RYR3: variants seen among roughly 807,000 people sequenced by gnomAD.
RYR3 encodes the protein brain ryanodine receptor-calcium release channel.
RYR3 carries 207 observed loss-of-function variants against 584.3 expected under a neutral mutation model. That is an observed-to-expected ratio of 0.35 (90% CI 0.32 to 0.40). The LOEUF (loss-of-function observed/expected upper bound fraction) is 0.40. Ranked by LOEUF, RYR3 falls within the 10% of genes least tolerant of loss-of-function variation. The pLI is 1.00. For synonymous variants in RYR3, 2,416 were observed against 2,248.5 expected, an observed-to-expected ratio of 1.07 and a Z score of -2.11; for missense variants, 5,616 against 6,089.2, an observed-to-expected ratio of 0.92 and a Z score of 2.59.
chr15:33,688,311 C>T (rs1449280901), intron 38 of RYR3, among the ~76,000 whole-genome samples: 4 of 152,108 alleles, frequency 2.6e-5, no homozygotes, highest in African/African-American at 9.7e-5. Context: ...CGGTGGCTCA[C>T]ACCTGTAATC....
chr15:33,712,968 G>A, intron 43 of RYR3, among the ~76,000 whole-genome samples: 1 of 152,156 alleles, frequency 6.6e-6, no homozygotes, highest in Non-Finnish European at 1.5e-5. Context: ...TAAACTTGTA[G>A]TTATGATAGT....
chr15:33,698,031 C>T (rs750148642), intron 40 of RYR3, 35 bp downstream of exon 40: 2 of 1,459,460 alleles, frequency 1.4e-6, no homozygotes, highest in East Asian at 4.5e-5. Flanking sequence ...CAGAACTTGT[C>T]CCTTGAGGCA....
chr15:33,822,072 G>A (rs1827427491), intron 80 of RYR3, among the ~76,000 whole-genome samples: 2 of 149,510 alleles, frequency 1.3e-5, no homozygotes, highest in African/African-American at 4.9e-5. Context: ...GCCAGGCTCT[G>A]CTGCAAGGGC....
At chr15:33,669,531 A>G in intron 37 of RYR3, 75 bp downstream of exon 37, 2 of 1,286,822 alleles carry the variant, frequency 1.6e-6, no homozygotes, top group Non-Finnish European at 2.2e-6. Context: ...TTAGAAAGCT[A>G]GTGGGAGGTT....
rs71117160 is a variant in RYR3 at position 33,669,880 on chromosome 15, GGTGTGTGT to G, written c.5722+441_5722+448del. ...GGGGTGTGGGTGTGTGGGTGTGTGTGGTGTGTGTGTGTGTGTGTGTGTGTTTAGTAACT... is the reference window on the plus strand; with the variant it reads ...GGGGTGTGGGTGTGTGGGTGTGTGTGGTGTGTGTGTGTGTGTTTAGTAACT... On this transcript the variant is annotated intron_variant, in intron 37 of 103. Transcript: ENST00000634891. 2.1e-3 allele frequency among the ~76,000 whole-genome samples: 218 copies of G among 103,462 alleles called. 1 individual carries two copies. Among genetic ancestry groups the G allele is most frequent in the African/African-American group, 7.5e-3 (201 of 26,964 alleles). The allele number at this position is 103,462 out of a possible 152,430, so 67.9% of individuals were successfully genotyped here. A position where few individuals can be genotyped will look rare whatever the true frequency, so the allele number is the denominator to read the frequency against.
Position 33,861,316 on chromosome 15 carries a change from C to T in RYR3, c.14465+138C>T, listed in dbSNP as rs1358992769. 2 of 584,652 alleles carry T rather than the reference C, an allele frequency of 3.4e-6. 1 individual carries two copies. The highest frequency in any genetic ancestry group is 6.1e-6 in the Non-Finnish European group (2 of 325,900). The allele number at this position is 584,652 out of a possible 1,614,324, so 36.2% of individuals were successfully genotyped here. A position where few individuals can be genotyped will look rare whatever the true frequency, so the allele number is the denominator to read the frequency against. ...AGTCCCCATGAGCCTGTACCTTTGTCCATAGACTCTGTCTCTCCCATGTGT... is the reference window on the plus strand; with the variant it reads ...AGTCCCCATGAGCCTGTACCTTTGTTCATAGACTCTGTCTCTCCCATGTGT... On this transcript the variant is annotated intron_variant, in intron 102 of 103. Coordinates refer to ENST00000634891, the MANE Select transcript of RYR3 (RefSeq NM_001036.6).
In RYR3 at chr15:33,601,530, C is replaced by G. The variant is rs780640652; in HGVS notation, c.1900C>G (p.Arg634Gly). The G allele has an allele frequency of 6.2e-7, 1 of 1,613,780 alleles. No individual in the cohort carries two copies. Among genetic ancestry groups the G allele is most frequent in the South Asian group, 1.1e-5 (1 of 91,010 alleles). ...CCGGAGAAACCTACTCCTGCAGACA[C>G]GACTGATTAACGATGTAACCAGGTA... Reference protein sequence around the residue: ...LPRRNLLLQTRLINDVTSIRP... With the variant: ...LPRRNLLLQTGLINDVTSIRP... The change falls in exon 17 of 104, where the codon CGA becomes GGA. Residue 634 changes from arginine (R) to glycine (G), a missense_variant. Arg to Gly is a moderately radical substitution (Grantham distance 125). Around this residue, in one of 9 missense-constraint regions of RYR3, gnomAD observed 1,284 missense variants for 1,344.6 expected, o/e 0.95. Coordinates refer to ENST00000634891, the MANE Select transcript of RYR3 (RefSeq NM_001036.6).
chr15:33,409,404 G>A (rs752704020), intron 1 of RYR3, among the ~76,000 whole-genome samples: 2 of 150,268 alleles, frequency 1.3e-5, no homozygotes, highest in African/African-American at 2.4e-5. Flanking sequence ...CCTAGATTCC[G>A]CTCTCTCTGC....
intron 34 of RYR3, among the ~76,000 whole-genome samples, chr15:33,661,067 T>A (rs2063131269): frequency 6.6e-6 from 1 of 152,146 alleles, no homozygotes; most frequent in African/African-American, 2.4e-5. Context: ...GGTTGAGGTA[T>A]TTGACACCTG....
chr15:33,729,975 C>G (rs1168330537), intron 47 of RYR3, among the ~76,000 whole-genome samples: 1 of 151,926 alleles, frequency 6.6e-6, no homozygotes, highest in Non-Finnish European at 1.5e-5. Flanking sequence ...AGCTGCATTC[C>G]CATGTGTGGT....
intron 18 of RYR3, among the ~76,000 whole-genome samples, chr15:33,605,365 C>T (rs1360471939): frequency 6.6e-6 from 1 of 152,190 alleles, no homozygotes; most frequent in Non-Finnish European, 1.5e-5. Flanking sequence ...TCTCCCTCAT[C>T]CCTCCTGTCT....
intron 1 of RYR3, among the ~76,000 whole-genome samples, chr15:33,393,874 A>G (rs1326803745): frequency 2.0e-5 from 3 of 152,234 alleles, no homozygotes; most frequent in Admixed American, 6.5e-5. Context: ...ACTGTGTGCC[A>G]GATACAATGC....
intron 67 of RYR3, among the ~76,000 whole-genome samples, chr15:33,789,787 A>T (rs1200437650): frequency 3.5e-5 from 4 of 115,264 alleles, no homozygotes; most frequent in African/African-American, 6.7e-5. Context: ...CGATTCTCCC[A>T]CCTCAGCCTC....
chr15:33,756,476 C>A, intron 59 of RYR3, 103 bp downstream of exon 59: 1 of 822,600 alleles, frequency 1.2e-6, no homozygotes, highest in Non-Finnish European at 2.0e-6. Flanking sequence ...ACTCCAATGG[C>A]TTCAGTGAGG....
At chr15:33,794,150 A>G (rs2075390097) in intron 67 of RYR3, among the ~76,000 whole-genome samples, 1 of 116,332 alleles carries the variant, frequency 8.6e-6, no homozygotes, top group African/African-American at 2.9e-5. Flanking sequence ...ATACATAAAT[A>G]TATAATATAT....
chr15:33,836,963 G>A lies in RYR3; in HGVS notation c.11626G>A (p.Val3876Met), dbSNP rs1186228421. ...ELLDLLQDMV[V>M]MLLSLLEGNV... is the part of the protein sequence containing the mutation. The stretch of plus-strand genomic sequence containing the variant: ...CTTGGATCTCCTTCAGGACATGGTG[G>A]TGATGCTTCTGTCCCTCCTGGAAGG... Residue 3876 changes from valine to methionine, a missense_variant, in exon 88 of 104, where the codon GTG (valine) becomes ATG (methionine). By Grantham distance (21) the Val-to-Met change is conservative (BLOSUM62 1). This residue lies in a region of RYR3 where 13 missense variants were observed against 41.1 expected (regional missense o/e 0.32). Transcript: ENST00000634891. 6.2e-7 allele frequency: 1 copy of A among 1,613,652 alleles called. No individual in the cohort carries two copies.
intron 1 of RYR3, among the ~76,000 whole-genome samples, chr15:33,312,150 T>A (rs1297256072): frequency 1.3e-5 from 2 of 152,248 alleles, no homozygotes; most frequent in Non-Finnish European, 2.9e-5. Flanking sequence ...TAGGTAATTT[T>A]ATATGCGCTG....
At position 33,800,758 on chromosome 15, in the gene RYR3, T is replaced by G; in HGVS notation, c.9831-12T>G. On this transcript the variant is annotated splice_polypyrimidine_tract_variant and intron_variant, in intron 67 of 103. Coordinates refer to ENST00000634891, the MANE Select transcript of RYR3 (RefSeq NM_001036.6). ...GAATTTCAAATGCCTGTTTATTTAC[T>G]TTTGGACCCAGATCTAACTGGCTGA... 2 of 1,606,462 alleles carry G rather than the reference T, an allele frequency of 1.2e-6. No individual in the cohort carries two copies.
chr15:33,519,626 T>G (rs764800236), intron 3 of RYR3, among the ~76,000 whole-genome samples: 18 of 67,492 alleles, frequency 2.7e-4, no homozygotes, highest in Non-Finnish European at 5.3e-4. Context: ...TTTTATGTTG[T>G]TTTTTTTTTT....
Sources: gnomAD v4.1 joint callset for allele counts (sites outside exome capture counted in the v4.1 genomes callset) on GRCh38, gnomAD v4.1.1 for gene constraint, gnomAD v4.1.1 regional missense constraint, MANE v1.5 for transcripts, NCBI Gene and HGNC (gene_info 2026-07-23, HGNC 2026-07-21) for gene names.